The following ATP2B2 variants were observed in gnomAD, a reference collection of about 807,000 sequenced individuals.
ATP2B2 encodes the protein plasma membrane calcium-transporting ATPase 2.
A neutral mutation model predicts 120.0 loss-of-function variants in ATP2B2; 15 were observed. That is an observed-to-expected ratio of 0.12 (90% CI 0.08 to 0.19). The LOEUF (loss-of-function observed/expected upper bound fraction) is 0.19, where lower values mean the gene tolerates loss of function less well. Among genes scored for constraint, ATP2B2 ranks in the 10% least tolerant of loss-of-function variants. The probability of loss-of-function intolerance (pLI) is 1.00; values close to 1 mark genes in which losing one functional copy is unlikely to be tolerated. For missense variants in ATP2B2, 1,045 were observed against 1,719.8 expected, an observed-to-expected ratio of 0.61 and a Z score of 6.94; for synonymous variants, 694 against 700.3, an observed-to-expected ratio of 0.99 and a Z score of 0.14.
At chr3:10,428,430 G>A (rs967917065) in intron 2 of ATP2B2, among the ~76,000 whole-genome samples, 26 of 151,968 alleles carry the variant, frequency 1.7e-4, no homozygotes, top group African/African-American at 5.8e-4. Flanking sequence ...TTTCATCCCC[G>A]TCCTGTGAGT....
chr3:10,385,875 C>A (rs2061663274), intron 7 of ATP2B2, among the ~76,000 whole-genome samples: 1 of 152,242 alleles, frequency 6.6e-6, no homozygotes, highest in Non-Finnish European at 1.5e-5. Context: ...CCTTCCTTAA[C>A]TGGCATTCCA....
intron 14 of ATP2B2, among the ~76,000 whole-genome samples, chr3:10,351,354 G>A (rs1356063290): frequency 6.6e-6 from 1 of 152,220 alleles, no homozygotes; most frequent in African/African-American, 2.4e-5. Flanking sequence ...AATGGAACGA[G>A]TGATTCTTAC....
intron 2 of ATP2B2, among the ~76,000 whole-genome samples, chr3:10,595,551 G>A (rs1031659936): frequency 6.6e-6 from 1 of 152,162 alleles, no homozygotes; most frequent in Non-Finnish European, 1.5e-5. Context: ...AATAGTAGAT[G>A]ACCTGTCCAA....
At chr3:10,472,464 T>C (rs1044063908) in intron 1 of ATP2B2, among the ~76,000 whole-genome samples, 1 of 152,194 alleles carries the variant, frequency 6.6e-6, no homozygotes, top group Non-Finnish European at 1.5e-5. Flanking sequence ...CGCAGGAACC[T>C]GGCCTGAAAT....
chr3:10,479,171 C>A (rs1303687977), intron 1 of ATP2B2, among the ~76,000 whole-genome samples: 1 of 152,098 alleles, frequency 6.6e-6, no homozygotes, highest in Non-Finnish European at 1.5e-5. Context: ...CTCTCTGCTG[C>A]CACTTGGAAA....
At chr3:10,331,006 T>G (rs2059964129) in intron 22 of ATP2B2, among the ~76,000 whole-genome samples, 1 of 152,226 alleles carries the variant, frequency 6.6e-6, no homozygotes, top group African/African-American at 2.4e-5. Context: ...CGCTTACTAG[T>G]TAGTGCTGAC....
intron 2 of ATP2B2, among the ~76,000 whole-genome samples, chr3:10,595,218 A>G (rs948274288): frequency 2.0e-5 from 3 of 152,198 alleles, no homozygotes; most frequent in Non-Finnish European, 4.4e-5. Context: ...TGCTGCTGTA[A>G]GTGGGCCTTT....
chr3:10,442,700 T>C (rs940939204), intron 2 of ATP2B2, among the ~76,000 whole-genome samples: 3 of 152,194 alleles, frequency 2.0e-5, no homozygotes, highest in Admixed American at 2.0e-4. Flanking sequence ...CATGCATTGC[T>C]CAAGCCCATT....
intron 1 of ATP2B2, among the ~76,000 whole-genome samples, chr3:10,468,267 G>C (rs538434352): frequency 6.6e-6 from 1 of 152,260 alleles, no homozygotes; most frequent in African/African-American, 2.4e-5. Context: ...TGACAGGTGC[G>C]AGGCCAGGGC....
chr3:10,403,992 G>A (rs1036656029), intron 3 of ATP2B2, among the ~76,000 whole-genome samples: 1 of 152,224 alleles, frequency 6.6e-6, no homozygotes, highest in African/African-American at 2.4e-5. Context: ...AGACCCCAGT[G>A]GAAGCTTCTG....
chr3:10,349,799 A>G (rs2060526261), intron 16 of ATP2B2, among the ~76,000 whole-genome samples: 1 of 152,134 alleles, frequency 6.6e-6, no homozygotes. Flanking sequence ...AAGGCGCTGT[A>G]CCGGCCACAT....
chr3:10,545,597 A>G (rs919885459), intron 2 of ATP2B2, among the ~76,000 whole-genome samples: 1 of 152,206 alleles, frequency 6.6e-6, no homozygotes, highest in Non-Finnish European at 1.5e-5. Context: ...CCATTTTAAG[A>G]AAAGCAAAGA....
intron 3 of ATP2B2, among the ~76,000 whole-genome samples, chr3:10,514,236 G>C (rs1396927135): frequency 6.6e-6 from 1 of 152,160 alleles, no homozygotes; most frequent in Non-Finnish European, 1.5e-5. Flanking sequence ...TAGGTCTGGG[G>C]AACACTTGGG....
intron 1 of ATP2B2, among the ~76,000 whole-genome samples, chr3:10,673,279 G>C (rs557895303): frequency 5.9e-5 from 9 of 152,220 alleles, no homozygotes; most frequent in Admixed American, 2.0e-4. Context: ...GCCAAATTCA[G>C]GCCAGCTCCC....
intron 2 of ATP2B2, among the ~76,000 whole-genome samples, chr3:10,439,446 C>A (rs578076109): frequency 2.0e-5 from 3 of 152,116 alleles, no homozygotes; most frequent in Non-Finnish European, 2.9e-5. Context: ...CCCCTTGGGG[C>A]CCCCGCAAAG....
chr3:10,676,817 TTAAA>T (rs1258049142), intron 1 of ATP2B2, among the ~76,000 whole-genome samples: 2 of 152,234 alleles, frequency 1.3e-5, no homozygotes, highest in African/African-American at 4.8e-5. Flanking sequence ...AAAGGATTGC[TTAAA>T]TAAATTATGC....
chr3:10,397,699 G>C (rs1207180454), intron 5 of ATP2B2, among the ~76,000 whole-genome samples: 1 of 152,174 alleles, frequency 6.6e-6, no homozygotes, highest in African/African-American at 2.4e-5. Context: ...TGGGGGCAGA[G>C]TGGCAGACAG....
At chr3:10,639,698 C>T (rs774217564) in intron 1 of ATP2B2, among the ~76,000 whole-genome samples, 3 of 152,188 alleles carry the variant, frequency 2.0e-5, no homozygotes, top group East Asian at 3.8e-4. Context: ...CACACCTAGG[C>T]CTGAAGGGAC....
At chr3:10,379,105 C>A in intron 9 of ATP2B2, 138 bp downstream of exon 9, 1 of 1,047,898 alleles carries the variant, frequency 9.5e-7, no homozygotes, top group Non-Finnish European at 1.5e-6. Context: ...ACAGCTACAC[C>A]CCCAAGGTCG....
Sources: allele counts gnomAD v4.1 joint callset (sites outside exome capture counted in the v4.1 genomes callset), GRCh38; gene constraint gnomAD v4.1.1; transcripts MANE v1.5; gene names NCBI Gene and HGNC (gene_info 2026-07-23, HGNC 2026-07-21).